PRDM1: variants seen among roughly 807,000 people sequenced by gnomAD.
The protein encoded by PRDM1 is PR/SET domain 1.
A neutral mutation model predicts 62.8 loss-of-function variants in PRDM1; 13 were observed. The observed-to-expected ratio is 0.21, with a 90% CI of 0.13 to 0.33. PRDM1 has a LOEUF of 0.33. Among genes scored for constraint, PRDM1 ranks in the 10% least tolerant of loss-of-function variants. The probability of loss-of-function intolerance (pLI) is 1.00; values close to 1 mark genes in which losing one functional copy is unlikely to be tolerated. For missense variants in PRDM1, 895 were observed against 1,058.8 expected (o/e 0.85, Z 2.15); for synonymous variants, 396 against 417.6 (o/e 0.95, Z 0.63).
rs370126272 is a variant in PRDM1, at chr6:106,017,515, C to T, written c.-67+23876C>T. Among the ~76,000 whole-genome samples, 6 of 152,272 alleles carry T rather than the reference C, an allele frequency of 3.9e-5. No individual in the cohort carries two copies. The East Asian group carries it at 1.2e-3, about 29-fold the overall frequency. Reference sequence around the variant, plus strand: ...CCTGCGCACCTCCACCCTACCCTTGCCGGAGGGCACCGTGTTATGAATAAA... The same window carrying T: ...CCTGCGCACCTCCACCCTACCCTTGTCGGAGGGCACCGTGTTATGAATAAA... On this transcript the variant is annotated intron_variant, in intron 1 of 6. Transcript: ENST00000652320.
chr6:106,036,325 C>T (rs951110029), intron 1 of PRDM1, among the ~76,000 whole-genome samples: 10 of 151,458 alleles, frequency 6.6e-5, no homozygotes, highest in African/African-American at 2.4e-4. Flanking sequence ...ACCATGCACT[C>T]TAACTTAAGT....
chr6:106,099,127 GC>G, intron 3 of PRDM1, 172 bp from the exon 4 acceptor site: 1 of 1,611,916 alleles, frequency 6.2e-7, no homozygotes, highest in East Asian at 2.2e-5. Context: ...ACCTGTTTCC[GC>G]CCTGATTTCT....
At chr6:106,095,039 C>A (rs1338425578) in intron 2 of PRDM1, among the ~76,000 whole-genome samples, 2 of 145,012 alleles carry the variant, frequency 1.4e-5, no homozygotes, top group African/African-American at 5.1e-5. Context: ...AATGTACAAG[C>A]TATGAAAAAA....
intron 2 of PRDM1, among the ~76,000 whole-genome samples, chr6:106,090,411 A>G (rs1165355917): frequency 6.6e-6 from 1 of 152,246 alleles, no homozygotes; most frequent in Non-Finnish European, 1.5e-5. Context: ...AAGCGCTTGA[A>G]TAGAGGATAG....
rs148268639 is a variant in PRDM1, at chr6:106,070,607, G to C, written c.-66-17594G>C. ...TGGTCAAAGGTTATAAATCTCTAAG[G>C]CTCTTGGTATATATAGGTAAATTTC... is the stretch of plus-strand genomic sequence containing the variant. On this transcript the variant is annotated intron_variant, in intron 1 of 6. Transcript: ENST00000651185. Among the ~76,000 whole-genome samples, 553 of 152,082 alleles carry C rather than the reference G, an allele frequency of 3.6e-3. 3 individuals carry two copies. The highest frequency in any genetic ancestry group is 0.013 in the African/African-American group (535 of 41,476).
chr6:106,018,702 G>C (rs1772654971), intron 1 of PRDM1, among the ~76,000 whole-genome samples: 1 of 152,014 alleles, frequency 6.6e-6, no homozygotes, highest in East Asian at 1.9e-4. Flanking sequence ...TTTGGAGGAA[G>C]ACCAGACAGG....
At chr6:106,044,953 C>A (rs544320135), upstream of PRDM1, among the ~76,000 whole-genome samples, 2 of 152,254 alleles carry the variant, frequency 1.3e-5, no homozygotes, top group East Asian at 3.9e-4. Context: ...TGTAAGATAA[C>A]CCTTAAAGAT....
At chr6:106,084,921 G>T (rs1478386139), upstream of PRDM1, among the ~76,000 whole-genome samples, 1 of 152,036 alleles carries the variant, frequency 6.6e-6, no homozygotes, top group African/African-American at 2.4e-5. Flanking sequence ...GAATTTAATT[G>T]TTCTGTACTG....
intron 1 of PRDM1, among the ~76,000 whole-genome samples, chr6:105,999,833 G>C (rs1452955534): frequency 6.6e-6 from 1 of 152,190 alleles, no homozygotes; most frequent in African/African-American, 2.4e-5. Flanking sequence ...AAAGGGCAAA[G>C]TATGTGACCT....
Position 105,998,890 on chromosome 6 carries a change from CATATATATATATATAT to C in PRDM1, c.-67+5280_-67+5295del, listed in dbSNP as rs202209129. Among the ~76,000 whole-genome samples, 54 of 100,206 alleles carry C rather than the reference CATATATATATATATAT, an allele frequency of 5.4e-4. 1 individual carries two copies. The highest frequency in any genetic ancestry group is 8.6e-4 in the East Asian group (3 of 3,472). 65.7% of individuals were successfully genotyped at this position (100,206 alleles called of 152,430 possible). A position where few individuals can be genotyped will look rare whatever the true frequency, so the allele number is the denominator to read the frequency against. ...GCATTGGGATTTTTAAAAGTTAATA[CATATATATATATATAT>C]ATATATATATATATATATATATATA... is the stretch of plus-strand genomic sequence containing the variant. On this transcript the variant is annotated intron_variant, in intron 1 of 6. Coordinates refer to the PRDM1 transcript ENST00000652320.
chr6:106,027,738 A>T (rs768301633), intron 1 of PRDM1, among the ~76,000 whole-genome samples: 35 of 152,214 alleles, frequency 2.3e-4, no homozygotes, highest in Non-Finnish European at 3.4e-4. Context: ...TTTTGATTTC[A>T]TCACTTGAGA....
chr6:106,106,557 C>G lies in PRDM1; in HGVS notation c.1902+58C>G, dbSNP rs1180645969. On this transcript the variant is annotated intron_variant, in intron 6 of 6. Transcript: ENST00000369096. The surrounding 1 kb of genome is among the most constrained non-coding windows in gnomAD (Gnocchi z 4.4). ...CTTTGTAGAAAATGTCTGTGAGTCA[C>G]CCTCCCATGTCCTATATAGCCCGTA... 7 of 1,604,168 alleles carry G rather than the reference C, an allele frequency of 4.4e-6. No homozygotes were observed. The highest frequency in any genetic ancestry group is 1.3e-5 in the African/African-American group (1 of 74,808).
At chr6:105,999,468 T>G (rs2114540857) in intron 1 of PRDM1, among the ~76,000 whole-genome samples, 1 of 152,220 alleles carries the variant, frequency 6.6e-6, no homozygotes, top group African/African-American at 2.4e-5. Flanking sequence ...TGTTTTTTGC[T>G]TTTTTTGTTG....
chr6:106,061,145 G>A (rs922578781), intron 1 of PRDM1, among the ~76,000 whole-genome samples: 50 of 151,826 alleles, frequency 3.3e-4, no homozygotes, highest in African/African-American at 1.0e-3. Flanking sequence ...CCACTGATCC[G>A]GACTGAGTGC....
intron 1 of PRDM1, among the ~76,000 whole-genome samples, chr6:106,036,422 C>T (rs376322424): frequency 3.3e-5 from 5 of 152,026 alleles, no homozygotes; most frequent in Non-Finnish European, 5.9e-5. Context: ...TTGTATATTC[C>T]GTAACTATTT....
chr6:106,078,945 T>C (rs979002431), intron 1 of PRDM1, among the ~76,000 whole-genome samples: 2 of 151,598 alleles, frequency 1.3e-5, no homozygotes, highest in East Asian at 3.9e-4. Context: ...TTTAAAAAAA[T>C]TATTATTATT....
chr6:106,086,527 G>A lies in PRDM1; in HGVS notation c.-27G>A. Reference sequence around the variant, plus strand: ...GGGGACGCGGGGAGAATGTGGACTGGGTAGAGATGAACGAGACTTTTCTCA... The same window carrying A: ...GGGGACGCGGGGAGAATGTGGACTGAGTAGAGATGAACGAGACTTTTCTCA... On this transcript the variant is annotated 5_prime_UTR_variant, in exon 1 of 7. Coordinates refer to ENST00000369096, the MANE Select transcript of PRDM1 (RefSeq NM_001198.4). The A allele has an allele frequency of 6.4e-7, 1 of 1,550,616 alleles. No homozygotes were observed. Among genetic ancestry groups the A allele is most frequent in the Non-Finnish European group, 8.7e-7 (1 of 1,145,574 alleles).
intron 1 of PRDM1, among the ~76,000 whole-genome samples, chr6:106,030,602 G>A (rs891513898): frequency 2.0e-5 from 3 of 152,040 alleles, no homozygotes; most frequent in African/African-American, 7.2e-5. Flanking sequence ...TAAAAAACTG[G>A]CTGAGTCCAA....
At chr6:106,008,504 C>T (rs546595689) in intron 1 of PRDM1, among the ~76,000 whole-genome samples, 1 of 151,954 alleles carries the variant, frequency 6.6e-6, no homozygotes, top group East Asian at 1.9e-4. Context: ...CTTTCACACT[C>T]TTTTGCCACA....
Sources: gnomAD v4.1 joint callset for allele counts (sites outside exome capture counted in the v4.1 genomes callset) on GRCh38, gnomAD v4.1.1 for gene constraint, Gnocchi (gnomAD v3.1) non-coding constraint, MANE v1.5 for transcripts, NCBI Gene and HGNC (gene_info 2026-07-23, HGNC 2026-07-21) for gene names.